SLC24A3: variants seen among roughly 807,000 people sequenced by gnomAD.
SLC24A3 encodes the protein solute carrier family 24 member 3.
A neutral mutation model predicts 75.8 loss-of-function variants in SLC24A3; 28 were observed. The ratio of observed to expected loss-of-function variants is 0.37; its 90% CI spans 0.27 to 0.51. The LOEUF (loss-of-function observed/expected upper bound fraction) is 0.51. Ranked by LOEUF, SLC24A3 falls within the 20% of genes least tolerant of loss-of-function variation. SLC24A3 has a pLI of 0.94. For synonymous variants in SLC24A3, 372 were observed against 334.1 expected (o/e 1.11, Z -1.24); for missense variants, 663 against 847.8 (o/e 0.78, Z 2.71).
At chr20:19,320,446 A>G (rs1040312759) in intron 2 of SLC24A3, among the ~76,000 whole-genome samples, 33 of 151,994 alleles carry the variant, frequency 2.2e-4, no homozygotes, top group African/African-American at 7.5e-4. Context: ...AGCTTTGTTC[A>G]TGGGATGGTC....
chr20:19,575,144 C>G (rs114413444), intron 3 of SLC24A3, among the ~76,000 whole-genome samples: 415 of 150,652 alleles, frequency 2.8e-3, no homozygotes, highest in African/African-American at 9.5e-3. Flanking sequence ...CCCAGCTACT[C>G]AGGCAGCTAA....
chr20:19,451,864 C>G (rs1211359614), intron 2 of SLC24A3, among the ~76,000 whole-genome samples: 1 of 152,198 alleles, frequency 6.6e-6, no homozygotes, highest in Non-Finnish European at 1.5e-5. Flanking sequence ...AACTTGGTCT[C>G]TGTTTTTTTC....
intron 2 of SLC24A3, among the ~76,000 whole-genome samples, chr20:19,484,947 C>T (rs756265249): frequency 1.6e-4 from 24 of 152,060 alleles, no homozygotes; most frequent in Non-Finnish European, 2.8e-4. Flanking sequence ...TATAAGCAAA[C>T]GTGCAAATTA....
In SLC24A3 at chr20:19,385,303, A is replaced by G. The variant is rs191818316; in HGVS notation, c.271+104216A>G. Among the ~76,000 whole-genome samples, 117 of 152,290 alleles carry G rather than the reference A, an allele frequency of 7.7e-4. No homozygotes were observed. In the Middle Eastern group the frequency reaches 0.01, roughly 13 times the overall value. On this transcript the variant is annotated intron_variant, in intron 2 of 16. Transcript: ENST00000328041. The stretch of plus-strand genomic sequence containing the variant: ...TTTCAGCCCTTATGGTAAGTTTTTA[A>G]TTAATTTAGAATTGATTTTTGTATA...
chr20:19,495,253 A>G (rs1988267235), intron 2 of SLC24A3, among the ~76,000 whole-genome samples: 1 of 152,240 alleles, frequency 6.6e-6, no homozygotes, highest in African/African-American at 2.4e-5. Context: ...GCGGGCACCA[A>G]CAGCATCTAC....
intron 2 of SLC24A3, among the ~76,000 whole-genome samples, chr20:19,327,565 A>G (rs767336481): frequency 7.2e-5 from 11 of 152,306 alleles, no homozygotes; most frequent in Admixed American, 6.5e-5. Context: ...CTTTGCCTCA[A>G]GTGGAGCTGG....
At chr20:19,694,699 G>A (rs561919227) in intron 13 of SLC24A3, 1 of 152,340 alleles carries the variant, frequency 6.6e-6, no homozygotes, top group African/African-American at 2.4e-5. Context: ...CTCATCTGAG[G>A]TTCAACTTCC....
chr20:19,503,592 A>G (rs1988418319), intron 2 of SLC24A3, among the ~76,000 whole-genome samples: 1 of 152,236 alleles, frequency 6.6e-6, no homozygotes, highest in Non-Finnish European at 1.5e-5. Context: ...AAAAGGAAAA[A>G]TGATTTCCTG....
intron 2 of SLC24A3, among the ~76,000 whole-genome samples, chr20:19,478,570 T>C (rs1431231317): frequency 6.6e-6 from 1 of 152,152 alleles, no homozygotes; most frequent in African/African-American, 2.4e-5. Context: ...AAAGCTACAG[T>C]GTGCCCATGT....
chr20:19,606,761 G>A (rs6081678), intron 6 of SLC24A3, among the ~76,000 whole-genome samples: 37,918 of 152,070 alleles, frequency 0.25, 4,754 homozygotes, highest in Middle Eastern at 0.3. Context: ...TCAGAAAGCA[G>A]GAGGTCCAAT....
chr20:19,346,093 A>G (rs1600440240), intron 2 of SLC24A3, among the ~76,000 whole-genome samples: 2 of 72,160 alleles, frequency 2.8e-5, no homozygotes, highest in Admixed American at 1.5e-4. Flanking sequence ...ATATATATAT[A>G]TATATATATA....
intron 2 of SLC24A3, among the ~76,000 whole-genome samples, chr20:19,444,947 T>C (rs1987355755): frequency 1.3e-5 from 2 of 152,288 alleles, no homozygotes; most frequent in African/African-American, 4.8e-5. Flanking sequence ...TGGATCTCTT[T>C]TTTTCTGATA....
In SLC24A3 at chr20:19,668,373, G is replaced by A. The variant is rs781551822; in HGVS notation, c.713+2484G>A. Among the ~76,000 whole-genome samples the A allele has an allele frequency of 5.9e-5, 9 of 152,076 alleles. No homozygotes were observed. The East Asian group carries it at 1.2e-3, about 20-fold the overall frequency. On this transcript the variant is annotated intron_variant, in intron 8 of 16. Coordinates refer to ENST00000328041, the MANE Select transcript of SLC24A3 (RefSeq NM_020689.4). ...TATTTTGCTGAAATGGTGCGTCTAG[G>A]TGCTGATTTCTCTCTTTAAAATCAG...
At chr20:19,384,293 G>A (rs13037500) in intron 2 of SLC24A3, among the ~76,000 whole-genome samples, 46,808 of 152,006 alleles carry the variant, frequency 0.31, 8,266 homozygotes, top group Middle Eastern at 0.53. Flanking sequence ...TTCATCCTGC[G>A]TAACTGAAAC....
chr20:19,339,888 C>T (rs750071254), intron 2 of SLC24A3, among the ~76,000 whole-genome samples: 2 of 152,194 alleles, frequency 1.3e-5, no homozygotes, highest in Non-Finnish European at 2.9e-5. Context: ...TGAGTGAGTT[C>T]CATATAATCT....
intron 2 of SLC24A3, among the ~76,000 whole-genome samples, chr20:19,331,800 A>G (rs1229259959): frequency 1.3e-5 from 2 of 152,146 alleles, no homozygotes; most frequent in Non-Finnish European, 2.9e-5. Context: ...GGAATAAACA[A>G]AGAACAATTA....
At chr20:19,301,090 A>G (rs1264821864) in intron 2 of SLC24A3, among the ~76,000 whole-genome samples, 2 of 152,054 alleles carry the variant, frequency 1.3e-5, no homozygotes, top group Non-Finnish European at 2.9e-5. Context: ...GTCTTTTCCA[A>G]TGCTTCAGTT....
At chr20:19,675,287 C>T (rs754984514) in intron 9 of SLC24A3, among the ~76,000 whole-genome samples, 1 of 152,210 alleles carries the variant, frequency 6.6e-6, no homozygotes, top group Admixed American at 6.5e-5. Context: ...GGAGTGACTG[C>T]CTTCTCTAGG....
intron 6 of SLC24A3, among the ~76,000 whole-genome samples, chr20:19,607,947 G>T (rs1223203938): frequency 6.6e-6 from 1 of 152,190 alleles, no homozygotes; most frequent in Non-Finnish European, 1.5e-5. Flanking sequence ...ACTGCTCGTT[G>T]TGTCTTACCT....
Sources: allele counts gnomAD v4.1 joint callset (sites outside exome capture counted in the v4.1 genomes callset), GRCh38; gene constraint gnomAD v4.1.1; transcripts MANE v1.5; gene names NCBI Gene and HGNC (gene_info 2026-07-23, HGNC 2026-07-21).